The following AKAP13 variants were observed in gnomAD, a reference collection of about 807,000 sequenced individuals.
AKAP13 encodes the protein A-kinase anchor protein 13.
Under a neutral mutation model 264.5 loss-of-function variants are expected in AKAP13, and 80 were observed. The observed-to-expected ratio is 0.30, with a 90% CI of 0.25 to 0.36. The LOEUF (loss-of-function observed/expected upper bound fraction) is 0.36, where lower values mean the gene tolerates loss of function less well. Among genes scored for constraint, AKAP13 ranks in the 10% least tolerant of loss-of-function variants. The pLI, the probability that AKAP13 is intolerant of heterozygous loss-of-function variation, is 1.00. For synonymous variants in AKAP13, 1,380 were observed against 1,250.2 expected (o/e 1.10, Z -2.19); for missense variants, 3,712 against 3,435.2 (o/e 1.08, Z -2.01).
chr15:85,641,846 A>G (rs2082323825), intron 9 of AKAP13, among the ~76,000 whole-genome samples: 1 of 152,170 alleles, frequency 6.6e-6, no homozygotes, highest in Non-Finnish European at 1.5e-5. Context: ...GATAAATTAC[A>G]AGATAGAATT....
intron 29 of AKAP13, 127 bp from the exon 30 acceptor site, chr15:85,730,386 T>C: frequency 2.3e-6 from 2 of 863,958 alleles, no homozygotes; most frequent in South Asian, 3.4e-5. Flanking sequence ...GAAAAGGCAG[T>C]GTGGGTGGGG....
In AKAP13 at chr15:85,579,864, A is replaced by G; in HGVS notation, c.1796A>G (p.Asp599Gly). The G allele has an allele frequency of 6.2e-7, 1 of 1,614,194 alleles. No homozygotes were observed. The highest frequency in any genetic ancestry group is 8.5e-7 in the Non-Finnish European group (1 of 1,180,032). Residue 599 changes from aspartate (D) to glycine (G), a missense_variant, in exon 7 of 37, where the codon GAT (aspartate) becomes GGT (glycine). Coordinates refer to ENST00000394518, the MANE Select transcript of AKAP13 (RefSeq NM_007200.5). ...GCTGCTGCAAAAGACAAGATTTCAG[A>G]TGGATTAGAACCTTATACTCTCTTA... ...IPAAAKDKISDGLEPYTLLAA... is the reference protein window; with the variant it reads ...IPAAAKDKISGGLEPYTLLAA...
chr15:85,627,966 T>C (rs1270754953), intron 8 of AKAP13, among the ~76,000 whole-genome samples: 2 of 152,218 alleles, frequency 1.3e-5, no homozygotes, highest in East Asian at 1.9e-4. Context: ...ATACCAACGC[T>C]TTTGTTGAGC....
At chr15:85,516,462 C>T (rs1410733806) in intron 2 of AKAP13, among the ~76,000 whole-genome samples, 1 of 152,178 alleles carries the variant, frequency 6.6e-6, no homozygotes, top group Non-Finnish European at 1.5e-5. Context: ...AACAAGTTAA[C>T]TTAAAGTGGT....
At chr15:85,412,800 T>C (rs1422698352) in intron 1 of AKAP13, among the ~76,000 whole-genome samples, 1 of 152,200 alleles carries the variant, frequency 6.6e-6, no homozygotes, top group Non-Finnish European at 1.5e-5. Context: ...AGGAAAATAA[T>C]TAGTATCTGC....
intron 2 of AKAP13, among the ~76,000 whole-genome samples, chr15:85,487,773 C>T (rs2075603529): frequency 6.6e-6 from 1 of 151,266 alleles, no homozygotes; most frequent in East Asian, 1.9e-4. Flanking sequence ...GCTCTGTCAC[C>T]CAGCCTGGAG....
intron 2 of AKAP13, among the ~76,000 whole-genome samples, chr15:85,516,549 G>A (rs2076606787): frequency 6.6e-6 from 1 of 152,108 alleles, no homozygotes; most frequent in African/African-American, 2.4e-5. Flanking sequence ...ACTTGACTAG[G>A]GTTTTGTCTT....
At chr15:85,560,958 A>G (rs1393783019) in intron 5 of AKAP13, among the ~76,000 whole-genome samples, 1 of 152,134 alleles carries the variant, frequency 6.6e-6, no homozygotes, top group Non-Finnish European at 1.5e-5. Context: ...TGCACATTAA[A>G]GTCTCTGCAG....
chr15:85,586,804 T>G (rs2151319723), intron 8 of AKAP13, among the ~76,000 whole-genome samples: 1 of 152,088 alleles, frequency 6.6e-6, no homozygotes, highest in Non-Finnish European at 1.5e-5. Context: ...GGCAGGTGCC[T>G]GTAATCCCAG....
chr15:85,442,545 TA>T (rs2073744701), intron 1 of AKAP13, among the ~76,000 whole-genome samples: 1 of 132,140 alleles, frequency 7.6e-6, no homozygotes, highest in African/African-American at 2.9e-5. Context: ...ATATATTATA[TA>T]TATATTTATT....
intron 9 of AKAP13, among the ~76,000 whole-genome samples, chr15:85,642,571 A>G (rs890230308): frequency 6.6e-6 from 1 of 152,232 alleles, no homozygotes; most frequent in African/African-American, 2.4e-5. Context: ...TTAGGGGGTT[A>G]TAATGGTTTA....
intron 1 of AKAP13, among the ~76,000 whole-genome samples, chr15:85,425,933 C>T (rs751705623): frequency 2.7e-5 from 4 of 150,902 alleles, no homozygotes; most frequent in Non-Finnish European, 4.4e-5. Flanking sequence ...TATCAGATTG[C>T]GAAGTATTTG....
chr15:85,477,324 TG>T (rs2151035347), intron 1 of AKAP13, among the ~76,000 whole-genome samples: 2 of 151,792 alleles, frequency 1.3e-5, no homozygotes, highest in South Asian at 4.2e-4. Context: ...GAGTCCTCCT[TG>T]GGGAAGAAGA....
intron 8 of AKAP13, among the ~76,000 whole-genome samples, chr15:85,623,497 C>T (rs1191272596): frequency 6.6e-6 from 1 of 152,204 alleles, no homozygotes; most frequent in African/African-American, 2.4e-5. Context: ...CTTTATTTGG[C>T]TGCTTCTGCA....
chr15:85,504,441 A>G (rs2076128729), intron 2 of AKAP13, among the ~76,000 whole-genome samples: 1 of 140,158 alleles, frequency 7.1e-6, no homozygotes, highest in South Asian at 2.4e-4. Context: ...CTGAAGTGGG[A>G]GGATAGCTTA....
At chr15:85,527,123 C>T (rs758971142) in intron 3 of AKAP13, among the ~76,000 whole-genome samples, 4 of 152,028 alleles carry the variant, frequency 2.6e-5, no homozygotes, top group African/African-American at 4.8e-5. Context: ...CCACCACGCC[C>T]GGCTAAGTTT....
intron 5 of AKAP13, among the ~76,000 whole-genome samples, chr15:85,561,097 G>A (rs1229138777): frequency 7.7e-6 from 1 of 129,066 alleles, no homozygotes; most frequent in Non-Finnish European, 1.6e-5. Flanking sequence ...TTGACTCGCC[G>A]CCCAGGCTGG....
intron 5 of AKAP13, among the ~76,000 whole-genome samples, chr15:85,573,621 G>GA (rs1190720053): frequency 4.6e-5 from 7 of 151,942 alleles, no homozygotes; most frequent in African/African-American, 1.7e-4. Flanking sequence ...GTAAGGAAAG[G>GA]AAAAATAACA....
Position 85,467,923 on chromosome 15 carries a change from G to C in AKAP13, c.-11-17787G>C, listed in dbSNP as rs184616220. On this transcript the variant is annotated intron_variant, in intron 1 of 36. Coordinates refer to ENST00000394518, the MANE Select transcript of AKAP13 (RefSeq NM_007200.5). ...ACTGACTCAAGTGTTGACGGAGGCA[G>C]AGTTGAGGAGGACATTTTTGATGCC... 8.1e-4 allele frequency among the ~76,000 whole-genome samples: 124 copies of C among 152,316 alleles called. 1 individual carries two copies. The highest frequency in any genetic ancestry group is 2.9e-3 in the African/African-American group (122 of 41,576).
Sources: gnomAD v4.1 joint callset for allele counts (sites outside exome capture counted in the v4.1 genomes callset) on GRCh38, gnomAD v4.1.1 for gene constraint, MANE v1.5 for transcripts, NCBI Gene and HGNC (gene_info 2026-07-23, HGNC 2026-07-21) for gene names.